TMEM38A: variants seen among roughly 807,000 people sequenced by gnomAD.
TMEM38A encodes transmembrane protein 38A.
TMEM38A carries 17 observed loss-of-function variants against 28.6 expected under a neutral mutation model. That is an observed-to-expected ratio of 0.60 (90% CI 0.41 to 0.89). The LOEUF (loss-of-function observed/expected upper bound fraction) is 0.89, where lower values mean the gene tolerates loss of function less well. Ranked by LOEUF, TMEM38A falls within the 40% of genes least tolerant of loss-of-function variation. The pLI is 0.00. For synonymous variants in TMEM38A, 169 were observed against 166.1 expected (o/e 1.02, Z -0.14); for missense variants, 328 against 393.1 (o/e 0.83, Z 1.40).
At chr19:16,674,754 G>A (rs1202493969) in intron 1 of TMEM38A, among the ~76,000 whole-genome samples, 8 of 151,972 alleles carry the variant, frequency 5.3e-5, no homozygotes, top group South Asian at 2.1e-4. Context: ...AGCCAAGATC[G>A]CGCCATTGAA....
In TMEM38A at chr19:16,680,030, C is replaced by T. The variant is rs372377237; in HGVS notation, c.171C>T (p.Cys57=). 59 of 1,610,716 alleles carry T rather than the reference C, an allele frequency of 3.7e-5. 1 individual carries two copies. Among genetic ancestry groups the T allele is most frequent in the African/African-American group, 2.4e-4 (18 of 75,050 alleles). The part of the protein sequence containing the change: ...SRRHPIASWL[C]AMLHCFGSYI... Reference sequence around the variant, plus strand: ...GCCACCCCATCGCGTCCTGGCTGTGCGCCATGCTGCATTGCTTCGGGAGCT... The same window carrying T: ...GCCACCCCATCGCGTCCTGGCTGTGTGCCATGCTGCATTGCTTCGGGAGCT... Residue 57 remains cysteine (C), a synonymous_variant, in exon 2 of 6, where the codon TGC becomes TGT. Coordinates refer to ENST00000187762, the MANE Select transcript of TMEM38A (RefSeq NM_024074.4).
At chr19:16,668,414 G>A (rs1452122850) in intron 1 of TMEM38A, among the ~76,000 whole-genome samples, 3 of 150,630 alleles carry the variant, frequency 2.0e-5, no homozygotes, top group East Asian at 1.9e-4. Flanking sequence ...GCATGGTGGC[G>A]CAAGCCTGTA....
At chr19:16,685,964 A>G (rs2086799957) in intron 4 of TMEM38A, among the ~76,000 whole-genome samples, 1 of 152,172 alleles carries the variant, frequency 6.6e-6, no homozygotes, top group African/African-American at 2.4e-5. Context: ...GGAGTTCGAG[A>G]CCAACCTGGC....
chr19:16,683,058 C>T (rs1045340165), intron 4 of TMEM38A, among the ~76,000 whole-genome samples: 2 of 152,164 alleles, frequency 1.3e-5, no homozygotes, highest in Non-Finnish European at 1.5e-5. Context: ...ACTGCAACCT[C>T]CACCTCCCAG....
chr19:16,671,441 T>G (rs1472064047), intron 1 of TMEM38A, among the ~76,000 whole-genome samples: 1 of 152,012 alleles, frequency 6.6e-6, no homozygotes, highest in Non-Finnish European at 1.5e-5. Flanking sequence ...ACTCCTGACC[T>G]CAAGTGATCC....
chr19:16,674,599 A>G (rs7247575), intron 1 of TMEM38A, among the ~76,000 whole-genome samples: 24,206 of 151,716 alleles, frequency 0.16, 2,896 homozygotes, highest in East Asian at 0.33. Context: ...CGGGAGTTTG[A>G]GACCAGCCTG....
At chr19:16,662,434 C>A (rs1467729970) in intron 1 of TMEM38A, among the ~76,000 whole-genome samples, 1 of 120,310 alleles carries the variant, frequency 8.3e-6, no homozygotes, top group Non-Finnish European at 1.7e-5. Flanking sequence ...CGTAAATGCA[C>A]GCTTTTTTTT....
At chr19:16,671,912 G>A (rs1169093241) in intron 1 of TMEM38A, among the ~76,000 whole-genome samples, 1 of 152,220 alleles carries the variant, frequency 6.6e-6, no homozygotes, top group Non-Finnish European at 1.5e-5. Context: ...ATTTTTAGAT[G>A]CAGAGGTATC....
chr19:16,661,470 T>C lies in TMEM38A; in HGVS notation c.124+129T>C. On this transcript the variant is annotated intron_variant, in intron 1 of 5. Coordinates refer to ENST00000187762, the MANE Select transcript of TMEM38A (RefSeq NM_024074.4). The surrounding 1 kb of genome is among the most constrained non-coding windows in gnomAD (Gnocchi z 6.5). ...AGGGACAGGTTCAAGGATTGCATCG[T>C]GGGAGTAGGCAGGCGCTAGAATCGT... 1 of 769,518 alleles carries C rather than the reference T, an allele frequency of 1.3e-6. No homozygotes were observed. The highest frequency in any genetic ancestry group is 2.6e-5 in the South Asian group (1 of 38,240). The allele number at this position is 769,518 out of a possible 1,614,324, so 47.7% of individuals were successfully genotyped here.
rs577097680 is a variant in TMEM38A, at chr19:16,674,542, A to T, written c.125-5442A>T. On this transcript the variant is annotated intron_variant, in intron 1 of 5. Coordinates refer to ENST00000187762, the MANE Select transcript of TMEM38A (RefSeq NM_024074.4). ...AGGCCGGGCGCCGTGGCTCACACCT[A>T]TAATCCCAGCACTTTGGGAGGCTGA... Among the ~76,000 whole-genome samples the T allele has an allele frequency of 6.0e-5, 9 of 149,358 alleles. No homozygotes were observed. The South Asian group carries it at 1.9e-3, about 32-fold the overall frequency.
intron 3 of TMEM38A, among the ~76,000 whole-genome samples, chr19:16,681,410 A>G (rs1247562479): frequency 2.0e-5 from 3 of 152,224 alleles, no homozygotes; most frequent in African/African-American, 7.2e-5. Flanking sequence ...ATATGCACCT[A>G]GAAACAGAGC....
At chr19:16,671,228 C>T (rs1388329831) in intron 1 of TMEM38A, among the ~76,000 whole-genome samples, 1 of 63,132 alleles carries the variant, frequency 1.6e-5, no homozygotes, top group African/African-American at 1.2e-4. Context: ...TTTTTTGAGG[C>T]GGAGTCTCAC....
intron 1 of TMEM38A, among the ~76,000 whole-genome samples, chr19:16,673,695 C>T (rs1330089284): frequency 6.6e-6 from 1 of 152,106 alleles, no homozygotes; most frequent in Non-Finnish European, 1.5e-5. Context: ...GTGAGGTTGA[C>T]CAAGCTAAGA....
intron 5 of TMEM38A, among the ~76,000 whole-genome samples, chr19:16,687,381 C>A (rs1225277635): frequency 6.6e-6 from 1 of 151,992 alleles, no homozygotes; most frequent in African/African-American, 2.4e-5. Context: ...ATTAACCAGG[C>A]GTGGTGGCGC....
At chr19:16,682,638 T>A in intron 4 of TMEM38A, 130 bp downstream of exon 4, 1 of 776,350 alleles carries the variant, frequency 1.3e-6, no homozygotes, top group Non-Finnish European at 2.2e-6. Flanking sequence ...TTTCAGAGGC[T>A]ATGACTGGGG....
intron 1 of TMEM38A, among the ~76,000 whole-genome samples, chr19:16,676,685 A>G (rs571355685): frequency 6.6e-6 from 1 of 151,690 alleles, no homozygotes; most frequent in East Asian, 1.9e-4. Context: ...GCTTTACATG[A>G]GTAATACAAG....
chr19:16,670,082 G>A (rs1329533975), intron 1 of TMEM38A, among the ~76,000 whole-genome samples: 1 of 151,708 alleles, frequency 6.6e-6, no homozygotes, highest in Non-Finnish European at 1.5e-5. Flanking sequence ...CGATTCTCCT[G>A]CCTCAGCCTC....
At chr19:16,686,445 A>G (rs572479178) in intron 5 of TMEM38A, 40 bp downstream of exon 5, 3 of 1,529,866 alleles carry the variant, frequency 2.0e-6, no homozygotes, top group South Asian at 2.2e-5. Context: ...GCCTTGACCA[A>G]TGCCACCCTG....
At position 16,673,487 on chromosome 19, in the gene TMEM38A, A is replaced by G. The variant is rs1009898427; in HGVS notation, c.125-6497A>G. On this transcript the variant is annotated intron_variant, in intron 1 of 5. Transcript: ENST00000187762. Reference sequence around the variant, plus strand: ...TGTTGCAACATTGTATCAGTGAAACATCTTCCTTCTCTAAGTCTTTGTTTA... The same window carrying G: ...TGTTGCAACATTGTATCAGTGAAACGTCTTCCTTCTCTAAGTCTTTGTTTA... 2.0e-5 allele frequency among the ~76,000 whole-genome samples: 3 copies of G among 152,206 alleles called. No individual in the cohort carries two copies. In the South Asian group the frequency reaches 6.2e-4, roughly 32 times the overall value.
Sources: allele counts gnomAD v4.1 joint callset (sites outside exome capture counted in the v4.1 genomes callset), GRCh38; gene constraint gnomAD v4.1.1; non-coding constraint Gnocchi (gnomAD v3.1); transcripts MANE v1.5; gene names NCBI Gene and HGNC (gene_info 2026-07-23, HGNC 2026-07-21).